The following MSRB2 variants were observed in gnomAD, a reference collection of about 807,000 sequenced individuals.
MSRB2 encodes the protein methionine sulfoxide reductase B2.
A neutral mutation model predicts 19.0 loss-of-function variants in MSRB2; 17 were observed. That is an observed-to-expected ratio of 0.89 (90% CI 0.61 to 1.34). MSRB2 has a LOEUF of 1.34. Among genes scored for constraint, MSRB2 ranks in the 40% most tolerant of loss-of-function variants. The probability of loss-of-function intolerance (pLI) is 0.00; values close to 1 mark genes in which losing one functional copy is unlikely to be tolerated. For missense variants in MSRB2, 208 were observed against 237.6 expected (o/e 0.88, Z 0.82); for synonymous variants, 107 against 99.7 (o/e 1.07, Z -0.44).
chr10:23,096,373 T>TGTGTGTGTGTGTGTGTG (rs3838757), intron 1 of MSRB2, among the ~76,000 whole-genome samples: 1 of 151,604 alleles, frequency 6.6e-6, no homozygotes, highest in African/African-American at 2.4e-5. Context: ...TGTGTGTGTG[T>TGTGTGTGTGTGTGTGTG]TTCTGCTAAA....
intron 2 of MSRB2, among the ~76,000 whole-genome samples, chr10:23,109,448 C>T (rs1295732603): frequency 6.7e-6 from 1 of 149,606 alleles, no homozygotes; most frequent in Non-Finnish European, 1.5e-5. Flanking sequence ...GAGGCTGAGA[C>T]AGGAGAATCA....
intron 4 of MSRB2, among the ~76,000 whole-genome samples, chr10:23,119,667 G>A (rs1588972666): frequency 1.3e-5 from 2 of 152,088 alleles, no homozygotes; most frequent in East Asian, 3.9e-4. Context: ...GCAGTGGCAT[G>A]ATCTCAGCTC....
At chr10:23,096,549 C>G (rs1263076794) in intron 1 of MSRB2, among the ~76,000 whole-genome samples, 6 of 152,260 alleles carry the variant, frequency 3.9e-5, no homozygotes, top group Non-Finnish European at 8.8e-5. Context: ...CTGACCCACT[C>G]TGAATCCAAT....
At chr10:23,095,996 T>C (rs1839860258) in intron 1 of MSRB2, among the ~76,000 whole-genome samples, 1 of 151,018 alleles carries the variant, frequency 6.6e-6, no homozygotes, top group Non-Finnish European at 1.5e-5. Flanking sequence ...TTTTCTTGGC[T>C]CGGGGAGTGG....
chr10:23,116,104 T>TA (rs754535072), intron 3 of MSRB2, among the ~76,000 whole-genome samples: 55 of 152,124 alleles, frequency 3.6e-4, no homozygotes, highest in African/African-American at 1.0e-3. Flanking sequence ...GTATTAATAA[T>TA]AAAAAAATAT....
intron 3 of MSRB2, among the ~76,000 whole-genome samples, chr10:23,117,888 C>A (rs1288599635): frequency 6.6e-6 from 1 of 152,162 alleles, no homozygotes; most frequent in African/African-American, 2.4e-5. Flanking sequence ...ACCACGCCAG[C>A]AAAATTCGAA....
intron 3 of MSRB2, among the ~76,000 whole-genome samples, chr10:23,112,013 A>C (rs1302374028): frequency 6.6e-6 from 1 of 152,198 alleles, no homozygotes; most frequent in African/African-American, 2.4e-5. Flanking sequence ...GCACAATGCT[A>C]GTTCAAATTA....
At chr10:23,105,924 A>T (rs2131625658) in intron 2 of MSRB2, among the ~76,000 whole-genome samples, 2 of 152,288 alleles carry the variant, frequency 1.3e-5, no homozygotes, top group East Asian at 3.9e-4. Context: ...TGGGAAAGAG[A>T]CTACATTAGC....
chr10:23,116,645 C>A (rs1406211745), intron 3 of MSRB2, among the ~76,000 whole-genome samples: 4 of 152,212 alleles, frequency 2.6e-5, no homozygotes, highest in African/African-American at 9.6e-5. Flanking sequence ...TTACTAAAAT[C>A]AGTCTCTTGT....
rs147835745 is a variant in MSRB2 at position 23,099,060 on chromosome 10, T to C, written c.118+3334T>C. 9.3e-3 allele frequency among the ~76,000 whole-genome samples: 1,416 copies of C among 152,324 alleles called. 11 individuals carry two copies. The highest frequency in any genetic ancestry group is 0.018 in the South Asian group (86 of 4,828). ...AGTCTTATTGGACCAGGGCCCCCTC[T>C]TAATGGCCTCATTTTGACATGATTG... On this transcript the variant is annotated intron_variant, in intron 1 of 4. Transcript: ENST00000376510.
intron 2 of MSRB2, among the ~76,000 whole-genome samples, chr10:23,109,135 T>G (rs1239521735): frequency 6.6e-6 from 1 of 152,166 alleles, no homozygotes. Context: ...GAGGGGACAG[T>G]GCCTGCCGCC....
intron 2 of MSRB2, among the ~76,000 whole-genome samples, chr10:23,109,151 C>T (rs1840017115): frequency 6.6e-6 from 1 of 152,082 alleles, no homozygotes; most frequent in Non-Finnish European, 1.5e-5. Context: ...CCGCCAGGCC[C>T]TGTGATAGCG....
At chr10:23,103,283 G>A (rs765622087) in intron 1 of MSRB2, among the ~76,000 whole-genome samples, 1 of 152,140 alleles carries the variant, frequency 6.6e-6, no homozygotes, top group Non-Finnish European at 1.5e-5. Flanking sequence ...GGCATCACGG[G>A]CATTCAACGT....
At chr10:23,100,946 G>A (rs11013286) in intron 1 of MSRB2, among the ~76,000 whole-genome samples, 12,240 of 152,236 alleles carry the variant, frequency 0.08, 1,389 homozygotes, top group African/African-American at 0.25. Flanking sequence ...AAGGGGAGAC[G>A]TAGTAGATAG....
chr10:23,102,485 A>G (rs1288435300), intron 1 of MSRB2, among the ~76,000 whole-genome samples: 1 of 151,814 alleles, frequency 6.6e-6, no homozygotes, highest in Non-Finnish European at 1.5e-5. Flanking sequence ...ATTTCCCTCA[A>G]TTTTCACTTA....
chr10:23,095,850 C>A, intron 1 of MSRB2, 124 bp downstream of exon 1: 1 of 524,002 alleles, frequency 1.9e-6, no homozygotes, highest in Non-Finnish European at 2.8e-6. Context: ...CCCTCCTCGG[C>A]GCGCCCCTCC....
In MSRB2 at chr10:23,121,123, A is replaced by G; in HGVS notation, c.*261A>G. 1 of 411,596 alleles carries G rather than the reference A, an allele frequency of 2.4e-6. No individual in the cohort carries two copies. Among genetic ancestry groups the G allele is most frequent in the Admixed American group, 4.0e-5 (1 of 24,886 alleles). 25.5% of individuals were successfully genotyped at this position (411,596 alleles called of 1,614,324 possible). On this transcript the variant is annotated 3_prime_UTR_variant, in exon 5 of 5. Transcript: ENST00000376510. ...AAAAGAAAAACTAGAAAAATAAACA[A>G]AATTAAAAAGAAAAAAAAATACCTG...
intron 3 of MSRB2, among the ~76,000 whole-genome samples, chr10:23,115,208 T>G (rs1840098736): frequency 6.6e-6 from 1 of 152,194 alleles, no homozygotes; most frequent in South Asian, 2.1e-4. Flanking sequence ...CCAGACTCTC[T>G]TTCCTTAACT....
chr10:23,101,969 C>T (rs1839930371), intron 1 of MSRB2, among the ~76,000 whole-genome samples: 1 of 152,142 alleles, frequency 6.6e-6, no homozygotes, highest in African/African-American at 2.4e-5. Flanking sequence ...TCTTTCATGA[C>T]CTTTACAGTT....
Sources: gnomAD v4.1 joint callset for allele counts (sites outside exome capture counted in the v4.1 genomes callset) on GRCh38, gnomAD v4.1.1 for gene constraint, MANE v1.5 for transcripts, NCBI Gene and HGNC (gene_info 2026-07-23, HGNC 2026-07-21) for gene names.